IL6R: variants seen among roughly 807,000 people sequenced by gnomAD.
The protein encoded by IL6R is interleukin-6 receptor subunit alpha.
Under a neutral mutation model 48.3 loss-of-function variants are expected in IL6R, and 38 were observed. The observed-to-expected ratio is 0.79, with a 90% CI of 0.61 to 1.03. IL6R has a LOEUF of 1.03. Among genes scored for constraint, IL6R ranks in the 50% least tolerant of loss-of-function variants. IL6R has a pLI of 0.00. For synonymous variants in IL6R, 264 were observed against 256.2 expected (o/e 1.03, Z -0.29); for missense variants, 534 against 618.3 (o/e 0.86, Z 1.45).
chr1:154,423,722 A>G (rs1031853937), intron 1 of IL6R, among the ~76,000 whole-genome samples: 2 of 152,200 alleles, frequency 1.3e-5, no homozygotes, highest in African/African-American at 4.8e-5. Context: ...GGTGGTTTAT[A>G]ATTAATCATT....
intron 7 of IL6R, among the ~76,000 whole-genome samples, chr1:154,448,875 CTTT>C (rs757221328): frequency 0.053 from 3,846 of 73,058 alleles, 458 homozygotes; most frequent in African/African-American, 0.16. Context: ...CTTGTAAGGG[CTTT>C]TTTTTTTTTT....
In IL6R at chr1:154,405,664, TG is replaced by T; in HGVS notation, c.36del (p.Leu13TrpfsTer23). The T allele has an allele frequency of 6.5e-7, 1 of 1,531,966 alleles. No homozygotes were observed. Among genetic ancestry groups the T allele is most frequent in the Non-Finnish European group, 8.7e-7 (1 of 1,146,578 alleles). 94.9% of individuals were successfully genotyped at this position (1,531,966 alleles called of 1,614,324 possible). On this transcript the variant is annotated frameshift_variant, in exon 1 of 10. Transcript: ENST00000368485. LOFTEE classifies it high-confidence loss of function. The surrounding 1 kb of genome is among the most constrained non-coding windows in gnomAD (Gnocchi z 5.2). ...LAVGCALLAA[L>X]LAAPGAALAP... is the part of the protein sequence containing the mutation. ...GTCGGCTGCGCGCTGCTGGCTGCCC[TG>T]CTGGCCGCGCCGGGAGCGGCGCTGG...
intron 9 of IL6R, among the ~76,000 whole-genome samples, chr1:154,457,233 G>T (rs999099659): frequency 5.6e-5 from 8 of 143,940 alleles, no homozygotes; most frequent in African/African-American, 1.8e-4. Flanking sequence ...TGAAGCAGGA[G>T]AATTGCTTGA....
chr1:154,448,293 T>C, intron 7 of IL6R, 122 bp downstream of exon 7: 1 of 751,828 alleles, frequency 1.3e-6, no homozygotes, highest in Non-Finnish European at 2.4e-6. Context: ...GTGGTCGTGG[T>C]GAGTTACCTG....
At chr1:154,408,760 C>T (rs528003215) in intron 1 of IL6R, among the ~76,000 whole-genome samples, 6 of 152,248 alleles carry the variant, frequency 3.9e-5, no homozygotes, top group East Asian at 1.9e-4. Context: ...AGCCACAGAC[C>T]CAGCAAGCAA....
rs564309097 is a variant in IL6R at position 154,436,432 on chromosome 1, C to T, written c.949+322C>T. Reference sequence around the variant, plus strand: ...GGCGGAGGTTGCAGTGAGCCGAAATCGCGCCACTGCACTCCAGCCTGGGTG... The same window carrying T: ...GGCGGAGGTTGCAGTGAGCCGAAATTGCGCCACTGCACTCCAGCCTGGGTG... On this transcript the variant is annotated intron_variant, in intron 6 of 9. Transcript: ENST00000368485. Among the ~76,000 whole-genome samples, 7 of 152,216 alleles carry T rather than the reference C, an allele frequency of 4.6e-5. No homozygotes were observed. In the South Asian group the frequency reaches 1.0e-3, roughly 23 times the overall value.
Position 154,467,167 on chromosome 1 carries a change from C to G in IL6R, c.*1787C>G, listed in dbSNP as rs968662480. On this transcript the variant is annotated 3_prime_UTR_variant, in exon 10 of 10. Transcript: ENST00000368485. The stretch of plus-strand genomic sequence containing the variant: ...TTAAAAAAAATCCCTTACCTCGGTG[C>G]CTTCCTCTTTTTATTTAGTTCCTTG... 1 of 152,208 alleles carries G rather than the reference C, an allele frequency of 6.6e-6. No homozygotes were observed. Among genetic ancestry groups the G allele is most frequent in the South Asian group, 2.1e-4 (1 of 4,828 alleles). 9.4% of individuals were successfully genotyped at this position (152,208 alleles called of 1,614,324 possible).
intron 2 of IL6R, among the ~76,000 whole-genome samples, chr1:154,430,132 T>G (rs1689202714): frequency 6.6e-6 from 1 of 152,190 alleles, no homozygotes; most frequent in African/African-American, 2.4e-5. Context: ...ATGAGGAAAC[T>G]GAAGAGCAGC....
chr1:154,423,260 A>AATATATATATATATACATATATATAT, intron 1 of IL6R, among the ~76,000 whole-genome samples: 1 of 85,476 alleles, frequency 1.2e-5, no homozygotes, highest in Non-Finnish European at 2.6e-5. Flanking sequence ...TGTTTAATTA[A>AATATATATATATATACATATATATAT]ATATATATAT....
intron 1 of IL6R, among the ~76,000 whole-genome samples, chr1:154,416,936 C>A (rs1387215453): frequency 1.3e-5 from 2 of 152,142 alleles, no homozygotes; most frequent in Non-Finnish European, 2.9e-5. Flanking sequence ...ACCCCTCAAA[C>A]CTCCCCTTAT....
chr1:154,451,517 CA>C (rs890342511), intron 8 of IL6R, among the ~76,000 whole-genome samples: 1 of 151,712 alleles, frequency 6.6e-6, no homozygotes, highest in African/African-American at 2.4e-5. Context: ...GATTCCATGT[CA>C]AAAAAACAAA....
intron 3 of IL6R, among the ~76,000 whole-genome samples, chr1:154,433,311 G>A (rs990399997): frequency 6.6e-6 from 1 of 152,222 alleles, no homozygotes; most frequent in African/African-American, 2.4e-5. Flanking sequence ...ATGCCCACAT[G>A]TGTCATAAGA....
In IL6R at chr1:154,426,161, GAC is replaced by G. The variant is rs372688307; in HGVS notation, c.86-3003_86-3002del. ...AGCACCAGACTGAGACCCTGTATCA[GAC>G]ACACACACACACACACACACACACA... On this transcript the variant is annotated intron_variant, in intron 1 of 9. Coordinates refer to ENST00000368485, the MANE Select transcript of IL6R (RefSeq NM_000565.4). Among the ~76,000 whole-genome samples, 692 of 118,540 alleles carry G rather than the reference GAC, an allele frequency of 5.8e-3. 6 individuals carry two copies. The highest frequency in any genetic ancestry group is 0.015 in the African/African-American group (480 of 31,614). 77.8% of individuals were successfully genotyped at this position (118,540 alleles called of 152,430 possible).
intron 9 of IL6R, among the ~76,000 whole-genome samples, chr1:154,459,927 T>A (rs560149480): frequency 6.6e-6 from 1 of 152,174 alleles, no homozygotes; most frequent in African/African-American, 2.4e-5. Context: ...CATTCCGGTA[T>A]TTTAAAATCA....
At chr1:154,452,263 G>T (rs1249495102) in intron 8 of IL6R, among the ~76,000 whole-genome samples, 1 of 152,096 alleles carries the variant, frequency 6.6e-6, no homozygotes, top group Non-Finnish European at 1.5e-5. Flanking sequence ...TCAAAGTCTT[G>T]ACAAAGTCCC....
intron 1 of IL6R, chr1:154,414,532 T>C: frequency 2.6e-6 from 2 of 776,964 alleles, no homozygotes; most frequent in Admixed American, 2.0e-5. Context: ...TCTTTTTGGG[T>C]GTGTTGAAGA....
At chr1:154,464,269 C>T (rs990750438) in intron 9 of IL6R, among the ~76,000 whole-genome samples, 3 of 151,900 alleles carry the variant, frequency 2.0e-5, no homozygotes, top group Non-Finnish European at 2.9e-5. Flanking sequence ...ATTCTCCTGC[C>T]TCAGCCTCCC....
At chr1:154,419,325 T>C (rs1033038333) in intron 1 of IL6R, among the ~76,000 whole-genome samples, 6 of 152,184 alleles carry the variant, frequency 3.9e-5, no homozygotes, top group Admixed American at 3.9e-4. Context: ...AGTCCAAAGA[T>C]GGAGAATGCA....
At chr1:154,429,545 C>T in intron 2 of IL6R, 101 bp downstream of exon 2, 3 of 1,393,352 alleles carry the variant, frequency 2.2e-6, no homozygotes, top group South Asian at 2.9e-5. Flanking sequence ...CCCACCATTT[C>T]CTTGGCGCAA....
Sources: gnomAD v4.1 joint callset for allele counts (sites outside exome capture counted in the v4.1 genomes callset) on GRCh38, gnomAD v4.1.1 for gene constraint, Gnocchi (gnomAD v3.1) non-coding constraint, MANE v1.5 for transcripts, NCBI Gene and HGNC (gene_info 2026-07-23, HGNC 2026-07-21) for gene names.